SLIT3: variants seen among roughly 807,000 people sequenced by gnomAD.
SLIT3 encodes slit homolog 3 protein.
SLIT3 carries 68 observed loss-of-function variants against 184.0 expected under a neutral mutation model. The ratio of observed to expected loss-of-function variants is 0.37; its 90% CI spans 0.30 to 0.45. The LOEUF (loss-of-function observed/expected upper bound fraction) is 0.45. SLIT3 is among the 20% of genes least tolerant of loss of function. The pLI, the probability that SLIT3 is intolerant of heterozygous loss-of-function variation, is 1.00. For missense variants in SLIT3, 1,707 were observed against 2,026.0 expected (o/e 0.84, Z 3.02); for synonymous variants, 831 against 828.6 (o/e 1.00, Z -0.05).
At chr5:169,153,090 T>C (rs901238582) in intron 4 of SLIT3, among the ~76,000 whole-genome samples, 2 of 152,232 alleles carry the variant, frequency 1.3e-5, no homozygotes, top group East Asian at 1.9e-4. Context: ...TCCCATAGTG[T>C]GTGTCTGGAT....
At chr5:169,001,296 C>T (rs1755695214) in intron 4 of SLIT3, among the ~76,000 whole-genome samples, 1 of 152,166 alleles carries the variant, frequency 6.6e-6, no homozygotes, top group Non-Finnish European at 1.5e-5. Context: ...ATGAAAAGTT[C>T]TCAAACCACC....
intron 4 of SLIT3, among the ~76,000 whole-genome samples, chr5:169,032,393 T>C (rs555802825): frequency 3.3e-5 from 5 of 152,310 alleles, no homozygotes; most frequent in East Asian, 1.9e-4. Flanking sequence ...AACTTTACAA[T>C]TGATGAATAA....
At chr5:168,970,499 TA>T (rs35085723) in intron 4 of SLIT3, among the ~76,000 whole-genome samples, 167 of 127,390 alleles carry the variant, frequency 1.3e-3, no homozygotes, top group Admixed American at 1.4e-3. Flanking sequence ...CTGTCTCAAA[TA>T]AAAAAAAAAA....
At chr5:169,256,663 A>G (rs1765971044) in intron 1 of SLIT3, among the ~76,000 whole-genome samples, 1 of 152,216 alleles carries the variant, frequency 6.6e-6, no homozygotes, top group South Asian at 2.1e-4. Context: ...TTCTGAATAC[A>G]CAATATTTAC....
intron 4 of SLIT3, among the ~76,000 whole-genome samples, chr5:168,931,086 A>G (rs1190719868): frequency 6.6e-6 from 1 of 152,200 alleles, no homozygotes; most frequent in Non-Finnish European, 1.5e-5. Flanking sequence ...CTGTCAGGGA[A>G]AACTCGGGGG....
Position 168,696,293 on chromosome 5 carries a change from TG to T in SLIT3, c.3080del (p.Thr1027LysfsTer8). On this transcript the variant is annotated frameshift_variant and splice_region_variant, in exon 28 of 36. Transcript: ENST00000519560. LOFTEE classifies it high-confidence loss of function. ...NYVCICPPNY[T>X]GELCDEVIDH... ...TACATACAGTCATGAGATCCTTACC[TG>T]TGTAGTTAGGCGGACAGATACACAC... is the stretch of plus-strand genomic sequence containing the variant. The T allele has an allele frequency of 1.2e-6, 2 of 1,614,100 alleles. No homozygotes were observed. The highest frequency in any genetic ancestry group is 1.7e-6 in the Non-Finnish European group (2 of 1,180,008).
intron 1 of SLIT3, among the ~76,000 whole-genome samples, chr5:169,260,915 T>C (rs1463139218): frequency 6.6e-6 from 1 of 152,222 alleles, no homozygotes; most frequent in Non-Finnish European, 1.5e-5. Flanking sequence ...GTTGGCAACC[T>C]TTTTCTTTAA....
intron 1 of SLIT3, among the ~76,000 whole-genome samples, chr5:169,266,479 TGACAC>T (rs1261575837): frequency 6.6e-6 from 1 of 152,176 alleles, no homozygotes; most frequent in African/African-American, 2.4e-5. Flanking sequence ...CCTGCAAGCA[TGACAC>T]TCTCCTTCCC....
At chr5:169,296,427 C>T (rs942307346) in intron 1 of SLIT3, among the ~76,000 whole-genome samples, 1 of 152,202 alleles carries the variant, frequency 6.6e-6, no homozygotes, top group Non-Finnish European at 1.5e-5. Context: ...ACCATGGAGG[C>T]TATACCGGTC....
chr5:168,797,785 G>C (rs779144075), intron 9 of SLIT3, among the ~76,000 whole-genome samples: 20 of 152,150 alleles, frequency 1.3e-4, no homozygotes, highest in Non-Finnish European at 2.9e-5. Context: ...CCATTTTGCA[G>C]ATGAGGAAAA....
At chr5:168,678,497 C>T (rs1011406550) in intron 32 of SLIT3, among the ~76,000 whole-genome samples, 2 of 152,082 alleles carry the variant, frequency 1.3e-5, no homozygotes, top group African/African-American at 4.8e-5. Context: ...GCCTGGCCAA[C>T]ATAGTGAAAC....
chr5:168,823,626 T>C (rs1757608177), intron 6 of SLIT3, among the ~76,000 whole-genome samples: 1 of 152,200 alleles, frequency 6.6e-6, no homozygotes, highest in Non-Finnish European at 1.5e-5. Context: ...GAGTGCTTCA[T>C]TATAACATCT....
chr5:168,920,534 G>A (rs1401466434), intron 4 of SLIT3, among the ~76,000 whole-genome samples: 1 of 152,122 alleles, frequency 6.6e-6, no homozygotes, highest in Non-Finnish European at 1.5e-5. Flanking sequence ...AAGGAATACA[G>A]ATGCCTGCTG....
chr5:169,087,325 T>C (rs1336895431), intron 4 of SLIT3, among the ~76,000 whole-genome samples: 1 of 152,030 alleles, frequency 6.6e-6, no homozygotes, highest in East Asian at 1.9e-4. Flanking sequence ...TGCTGTGAGG[T>C]TGGTAATGCT....
chr5:169,142,852 T>C (rs1206123127), intron 4 of SLIT3, among the ~76,000 whole-genome samples: 1 of 152,220 alleles, frequency 6.6e-6, no homozygotes, highest in Non-Finnish European at 1.5e-5. Flanking sequence ...TACTCCAAGC[T>C]GAGTCAATAA....
At chr5:168,914,064 TA>T (rs1283635081) in intron 4 of SLIT3, among the ~76,000 whole-genome samples, 5 of 152,202 alleles carry the variant, frequency 3.3e-5, no homozygotes, top group African/African-American at 9.6e-5. Context: ...AGATGTGCCA[TA>T]AGTTATTAAC....
chr5:169,184,435 T>C (rs1323006213), intron 4 of SLIT3, among the ~76,000 whole-genome samples: 1 of 152,202 alleles, frequency 6.6e-6, no homozygotes. Context: ...GCAGGATTCT[T>C]GGGAGGACTG....
At chr5:169,165,848 T>C (rs1214481990) in intron 4 of SLIT3, among the ~76,000 whole-genome samples, 1 of 152,234 alleles carries the variant, frequency 6.6e-6, no homozygotes, top group Non-Finnish European at 1.5e-5. Context: ...CCCATTAGAA[T>C]ATGAGCCCTC....
In SLIT3 at chr5:169,249,217, G is replaced by A. The variant is rs138504491; in HGVS notation, c.269+2171C>T. Among the ~76,000 whole-genome samples the A allele has an allele frequency of 2.5e-3, 378 of 152,282 alleles. 6 individuals carry two copies. Among genetic ancestry groups the A allele is most frequent in the Non-Finnish European group, 2.3e-3 (157 of 68,026 alleles). On this transcript the variant is annotated intron_variant, in intron 2 of 35. Coordinates refer to ENST00000519560, the MANE Select transcript of SLIT3 (RefSeq NM_003062.4). ...ATTCCACCAGGCAGATTCTTTCACAGTAATAAAGGGCCACTTGAATGGGAT... is the reference window on the plus strand; with the variant it reads ...ATTCCACCAGGCAGATTCTTTCACAATAATAAAGGGCCACTTGAATGGGAT...
Sources: allele counts gnomAD v4.1 joint callset (sites outside exome capture counted in the v4.1 genomes callset), GRCh38; gene constraint gnomAD v4.1.1; transcripts MANE v1.5; gene names NCBI Gene and HGNC (gene_info 2026-07-23, HGNC 2026-07-21).